CDK5RAP2: variants seen among roughly 807,000 people sequenced by gnomAD.
The protein encoded by CDK5RAP2 is CDK5 regulatory subunit-associated protein 2.
In CDK5RAP2, 147 loss-of-function variants were observed where a neutral mutation model predicts 232.9. That is an observed-to-expected ratio of 0.63 (90% CI 0.55 to 0.72). The LOEUF (loss-of-function observed/expected upper bound fraction) is 0.72. CDK5RAP2 is among the 30% of genes least tolerant of loss of function. The pLI is 0.00. For missense variants in CDK5RAP2, 2,195 were observed against 2,231.5 expected (o/e 0.98, Z 0.33); for synonymous variants, 833 against 833.7 (o/e 1.00, Z 0.01).
At chr9:120,484,376 C>A (rs1292607015) in intron 14 of CDK5RAP2, among the ~76,000 whole-genome samples, 2 of 152,276 alleles carry the variant, frequency 1.3e-5, no homozygotes, top group African/African-American at 4.8e-5. Context: ...ATTTACAATT[C>A]TTAAGTGATC....
At chr9:120,470,307 A>T in intron 16 of CDK5RAP2, 87 bp from the exon 17 acceptor site, 1 of 675,192 alleles carries the variant, frequency 1.5e-6, no homozygotes, top group South Asian at 1.9e-5. Flanking sequence ...ACCCCAGTGC[A>T]ATCCATCCAA....
intron 14 of CDK5RAP2, among the ~76,000 whole-genome samples, chr9:120,484,793 T>C (rs2038506602): frequency 6.6e-6 from 1 of 152,068 alleles, no homozygotes; most frequent in South Asian, 2.1e-4. Context: ...AGTGGCACAA[T>C]CATAGTTCAC....
chr9:120,406,883 G>T, intron 32 of CDK5RAP2, 129 bp downstream of exon 32: 1 of 737,674 alleles, frequency 1.4e-6, no homozygotes, highest in Non-Finnish European at 2.3e-6. Flanking sequence ...CTGGCTCCTA[G>T]GGTACAGCAT....
intron 3 of CDK5RAP2, among the ~76,000 whole-genome samples, chr9:120,567,929 T>C (rs968301265): frequency 1.3e-5 from 2 of 152,184 alleles, no homozygotes; most frequent in Non-Finnish European, 2.9e-5. Context: ...AAGGTTGCAG[T>C]GAGCATCAAA....
intron 25 of CDK5RAP2, among the ~76,000 whole-genome samples, chr9:120,436,294 A>AG (rs1451601702): frequency 6.6e-6 from 1 of 152,198 alleles, no homozygotes; most frequent in Non-Finnish European, 1.5e-5. Context: ...TCCCAAAGCG[A>AG]GGGGCTAGCC....
rs1278155583 is a variant in CDK5RAP2 at position 120,394,773 on chromosome 9, T to C, written c.5452-135A>G. On this transcript the variant is annotated intron_variant, in intron 35 of 37. Transcript: ENST00000349780. ...TATTTGAATGGAAACTAGAAGCCTT[T>C]TCCTGACAACCAGGAAAAGGCAAAA... 8 of 812,466 alleles carry C rather than the reference T, an allele frequency of 9.8e-6. No individual in the cohort carries two copies. In the East Asian group the frequency reaches 2.1e-4, roughly 22 times the overall value. The allele number at this position is 812,466 out of a possible 1,614,324, so 50.3% of individuals were successfully genotyped here. A position where few individuals can be genotyped will look rare whatever the true frequency, so the allele number is the denominator to read the frequency against.
At chr9:120,557,640 T>G (rs1303269494) in intron 3 of CDK5RAP2, among the ~76,000 whole-genome samples, 1 of 151,896 alleles carries the variant, frequency 6.6e-6, no homozygotes, top group East Asian at 1.9e-4. Context: ...ACACCTGTAG[T>G]CCCAGCTACT....
In CDK5RAP2 at chr9:120,531,409, C is replaced by T. The variant is rs545108238; in HGVS notation, c.663-1269G>A. Among the ~76,000 whole-genome samples the T allele has an allele frequency of 5.3e-5, 8 of 152,224 alleles. No homozygotes were observed. In the East Asian group the frequency reaches 1.5e-3, roughly 29 times the overall value. ...CACATCCCTCTCTGGGCTGTGTTAT[C>T]AAATAACACAATATAATTACCAAAT... On this transcript the variant is annotated intron_variant, in intron 7 of 37. Coordinates refer to ENST00000349780, the MANE Select transcript of CDK5RAP2 (RefSeq NM_018249.6).
chr9:120,422,352 A>C (rs1034370451), intron 26 of CDK5RAP2, among the ~76,000 whole-genome samples: 1 of 152,210 alleles, frequency 6.6e-6, no homozygotes, highest in African/African-American at 2.4e-5. Flanking sequence ...AGGGGAGAAG[A>C]GAATTGGGGT....
intron 12 of CDK5RAP2, among the ~76,000 whole-genome samples, chr9:120,502,509 A>T (rs1014543725): frequency 2.0e-5 from 3 of 152,316 alleles, no homozygotes; most frequent in African/African-American, 7.2e-5. Flanking sequence ...TTAATTTTTA[A>T]TTCAGCTACC....
At chr9:120,404,363 T>C (rs566515159) in intron 32 of CDK5RAP2, among the ~76,000 whole-genome samples, 83 of 152,200 alleles carry the variant, frequency 5.5e-4, no homozygotes, top group Non-Finnish European at 9.7e-4. Flanking sequence ...TTTATTTTAG[T>C]GTGATCAAGG....
chr9:120,389,972 G>C (rs186854158), intron 36 of CDK5RAP2, 185 bp from the exon 37 acceptor site: 30 of 635,906 alleles, frequency 4.7e-5, no homozygotes, highest in Admixed American at 2.9e-4. Context: ...AAACCCCAGG[G>C]CCAAATAACG....
intron 27 of CDK5RAP2, among the ~76,000 whole-genome samples, chr9:120,419,435 A>T (rs2034435437): frequency 6.6e-6 from 1 of 152,220 alleles, no homozygotes; most frequent in African/African-American, 2.4e-5. Flanking sequence ...AAAGCAGAAG[A>T]GTCTCTGAAA....
rs537849347 is a variant in CDK5RAP2 at position 120,506,121 on chromosome 9, T to C, written c.1311+12306A>G. On this transcript the variant is annotated intron_variant, in intron 12 of 37. Coordinates refer to ENST00000349780, the MANE Select transcript of CDK5RAP2 (RefSeq NM_018249.6). ...TCAAAGGACAGGGTGACTTCCTTAT[T>C]AGGGGCTAATGCAGCTGGTAACTTT... Among the ~76,000 whole-genome samples, 3 of 152,320 alleles carry C rather than the reference T, an allele frequency of 2.0e-5. 1 individual carries two copies. Among genetic ancestry groups the C allele is most frequent in the African/African-American group, 7.2e-5 (3 of 41,574 alleles).
chr9:120,422,469 G>C (rs1285742930), intron 26 of CDK5RAP2, among the ~76,000 whole-genome samples: 1 of 152,216 alleles, frequency 6.6e-6, no homozygotes, highest in Non-Finnish European at 1.5e-5. Context: ...TCACCTGATA[G>C]AGATGACACA....
intron 1 of CDK5RAP2, among the ~76,000 whole-genome samples, chr9:120,575,731 C>A (rs2043009920): frequency 6.6e-6 from 1 of 152,120 alleles, no homozygotes; most frequent in African/African-American, 2.4e-5. Flanking sequence ...CATCTAGAAC[C>A]CGCCTAGGAG....
intron 28 of CDK5RAP2, among the ~76,000 whole-genome samples, chr9:120,411,864 G>GCT: frequency 6.6e-6 from 1 of 152,212 alleles, no homozygotes; most frequent in East Asian, 1.9e-4. Flanking sequence ...TTCCAAACCT[G>GCT]CTCTCTCTCA....
intron 34 of CDK5RAP2, 188 bp from the exon 35 acceptor site, chr9:120,401,073 T>G: frequency 1.6e-6 from 1 of 615,756 alleles, no homozygotes. Context: ...TGAGAGAATT[T>G]CAGTGGTGAT....
intron 18 of CDK5RAP2, 45 bp from the exon 19 acceptor site, chr9:120,460,712 G>A: frequency 6.2e-7 from 1 of 1,612,912 alleles, no homozygotes; most frequent in Non-Finnish European, 8.5e-7. Context: ...CCAAAAAAGT[G>A]TGCAGCATGA....
Sources: allele counts gnomAD v4.1 joint callset (sites outside exome capture counted in the v4.1 genomes callset), GRCh38; gene constraint gnomAD v4.1.1; transcripts MANE v1.5; gene names NCBI Gene and HGNC (gene_info 2026-07-23, HGNC 2026-07-21).